TOX: variants seen among roughly 807,000 people sequenced by gnomAD.
The protein encoded by TOX is thymocyte selection associated high mobility group box.
In TOX, 11 loss-of-function variants were observed where a neutral mutation model predicts 53.7. That is an observed-to-expected ratio of 0.20 (90% confidence interval 0.13 to 0.34). The LOEUF (loss-of-function observed/expected upper bound fraction) is 0.34. TOX is among the 10% of genes least tolerant of loss of function. The pLI is 1.00. For synonymous variants in TOX, 225 were observed against 245.3 expected (o/e 0.92, Z 0.77); for missense variants, 570 against 664.6 (o/e 0.86, Z 1.56).
intron 1 of TOX, among the ~76,000 whole-genome samples, chr8:59,100,993 C>A (rs1409398461): frequency 6.6e-6 from 1 of 152,212 alleles, no homozygotes; most frequent in East Asian, 1.9e-4. Flanking sequence ...CAAGTTACTG[C>A]ATCCCACATG....
chr8:59,017,910 C>T (rs1814045649), intron 1 of TOX, among the ~76,000 whole-genome samples: 1 of 152,106 alleles, frequency 6.6e-6, no homozygotes, highest in Admixed American at 6.6e-5. Context: ...TTCCGTCTCC[C>T]TCAACTGCTT....
intron 1 of TOX, among the ~76,000 whole-genome samples, chr8:59,104,278 C>T (rs1243455390): frequency 6.6e-6 from 1 of 152,168 alleles, no homozygotes; most frequent in Non-Finnish European, 1.5e-5. Context: ...TAATCCTAAA[C>T]TGTACCTGGC....
At chr8:59,054,408 T>G (rs956606556) in intron 1 of TOX, among the ~76,000 whole-genome samples, 1 of 152,222 alleles carries the variant, frequency 6.6e-6, no homozygotes, top group Admixed American at 6.5e-5. Context: ...GATCAGGAAC[T>G]GTTGCCTTTT....
intron 2 of TOX, among the ~76,000 whole-genome samples, chr8:58,953,413 G>A (rs1355714762): frequency 1.3e-5 from 2 of 152,196 alleles, no homozygotes; most frequent in Non-Finnish European, 2.9e-5. Context: ...AGTAACTTGT[G>A]TGCTCAAGTG....
At chr8:59,053,893 T>G (rs944221139) in intron 1 of TOX, among the ~76,000 whole-genome samples, 3 of 152,222 alleles carry the variant, frequency 2.0e-5, no homozygotes, top group African/African-American at 7.2e-5. Context: ...CATATTTTTC[T>G]CAAGTCAAAA....
At chr8:58,949,846 T>C (rs1010584467) in intron 2 of TOX, among the ~76,000 whole-genome samples, 2 of 150,690 alleles carry the variant, frequency 1.3e-5, no homozygotes, top group South Asian at 2.1e-4. Flanking sequence ...TATATATTTT[T>C]ATATGTGTAT....
chr8:58,967,031 C>T (rs1044796967), intron 1 of TOX, among the ~76,000 whole-genome samples: 1 of 152,004 alleles, frequency 6.6e-6, no homozygotes, highest in East Asian at 1.9e-4. Context: ...CCCGCCACCA[C>T]GCCCGGCTAA....
intron 1 of TOX, among the ~76,000 whole-genome samples, chr8:59,007,756 T>C (rs10504276): frequency 0.034 from 5,132 of 152,310 alleles, 240 homozygotes; most frequent in South Asian, 0.098. Flanking sequence ...TGAAATTATA[T>C]CATATGCTGG....
intron 8 of TOX, 56 bp from the exon 9 acceptor site, chr8:58,807,839 G>T (rs1810006668): frequency 6.3e-7 from 1 of 1,593,370 alleles, no homozygotes; most frequent in South Asian, 1.1e-5. Flanking sequence ...TGCTACAGGT[G>T]ACAATGGGGG....
intron 3 of TOX, among the ~76,000 whole-genome samples, chr8:58,890,297 C>T (rs763645902): frequency 5.3e-5 from 8 of 152,018 alleles, no homozygotes; most frequent in African/African-American, 1.9e-4. Flanking sequence ...GTGGTAGAGT[C>T]GTGGGAGGGA....
At chr8:59,079,021 G>C (rs1804348163) in intron 1 of TOX, among the ~76,000 whole-genome samples, 1 of 152,212 alleles carries the variant, frequency 6.6e-6, no homozygotes, top group South Asian at 2.1e-4. Flanking sequence ...TTGCACTTAA[G>C]AGTGATGATT....
chr8:58,961,578 A>C (rs1405899381), intron 1 of TOX, among the ~76,000 whole-genome samples: 1 of 150,552 alleles, frequency 6.6e-6, no homozygotes, highest in Non-Finnish European at 1.5e-5. Context: ...ACCCAGGCTG[A>C]GTGAAATGGC....
At chr8:58,985,068 C>A (rs916626719) in intron 1 of TOX, among the ~76,000 whole-genome samples, 1 of 149,224 alleles carries the variant, frequency 6.7e-6, no homozygotes, top group Non-Finnish European at 1.5e-5. Flanking sequence ...AGATATATAT[C>A]TTCTATCTAT....
At chr8:58,822,498 A>G (rs1433166382) in intron 6 of TOX, among the ~76,000 whole-genome samples, 1 of 152,220 alleles carries the variant, frequency 6.6e-6, no homozygotes, top group Non-Finnish European at 1.5e-5. Context: ...AGGAGTGACC[A>G]GAGCCGGGCA....
intron 1 of TOX, among the ~76,000 whole-genome samples, chr8:59,018,301 G>C (rs1188836433): frequency 1.3e-5 from 2 of 152,130 alleles, no homozygotes; most frequent in Admixed American, 6.6e-5. Flanking sequence ...TATCTGAAAT[G>C]GGTGTGTCAG....
At chr8:59,069,984 C>T (rs576023151) in intron 1 of TOX, among the ~76,000 whole-genome samples, 35 of 152,136 alleles carry the variant, frequency 2.3e-4, no homozygotes, top group African/African-American at 8.4e-4. Flanking sequence ...GGTGGGAAAG[C>T]GATGAAGACA....
intron 3 of TOX, among the ~76,000 whole-genome samples, chr8:58,913,322 A>G (rs1811938943): frequency 6.6e-6 from 1 of 152,196 alleles, no homozygotes; most frequent in Non-Finnish European, 1.5e-5. Context: ...TCTCTAAACA[A>G]ATAAATAAAA....
At chr8:59,015,109 T>C (rs1813982659) in intron 1 of TOX, among the ~76,000 whole-genome samples, 1 of 152,238 alleles carries the variant, frequency 6.6e-6, no homozygotes. Flanking sequence ...TAAATCTAAA[T>C]GTCAACAGTG....
At chr8:59,035,131 A>G (rs1814433521) in intron 1 of TOX, among the ~76,000 whole-genome samples, 1 of 152,152 alleles carries the variant, frequency 6.6e-6, no homozygotes, top group Non-Finnish European at 1.5e-5. Context: ...CTTTCACAGA[A>G]TGTTACCATG....
Sources: gnomAD v4.1 joint callset for allele counts (sites outside exome capture counted in the v4.1 genomes callset) on GRCh38, gnomAD v4.1.1 for gene constraint, MANE v1.5 for transcripts, NCBI Gene and HGNC (gene_info 2026-07-23, HGNC 2026-07-21) for gene names.